The following CNOT6 variants were observed in gnomAD, a reference collection of about 807,000 sequenced individuals.
The protein encoded by CNOT6 is carbon catabolite repression 4 protein.
A neutral mutation model predicts 61.2 loss-of-function variants in CNOT6; 12 were observed. That is an observed-to-expected ratio of 0.20 (90% CI 0.13 to 0.32). The LOEUF is 0.32. Among genes scored for constraint, CNOT6 ranks in the 10% least tolerant of loss-of-function variants. CNOT6 has a pLI of 1.00. For synonymous variants in CNOT6, 225 were observed against 240.6 expected (o/e 0.94, Z 0.60); for missense variants, 405 against 663.9 (o/e 0.61, Z 4.28).
At chr5:180,541,441 ATTTTTTT>A (rs1163850404) in intron 2 of CNOT6, among the ~76,000 whole-genome samples, 8 of 106,578 alleles carry the variant, frequency 7.5e-5, no homozygotes, top group African/African-American at 1.2e-4. Context: ...TGGCCAAGAA[ATTTTTTT>A]TTTTTTTTTT....
chr5:180,544,826 G>T (rs1379430187), intron 2 of CNOT6, among the ~76,000 whole-genome samples: 1 of 152,180 alleles, frequency 6.6e-6, no homozygotes, highest in East Asian at 1.9e-4. Context: ...AGGCGCAGTG[G>T]CTCACGCCTG....
At chr5:180,498,343 C>T (rs1323661518) in intron 1 of CNOT6, among the ~76,000 whole-genome samples, 2 of 152,164 alleles carry the variant, frequency 1.3e-5, no homozygotes, top group African/African-American at 2.4e-5. Context: ...TCCGATTTTG[C>T]CTTCTCATAG....
intron 1 of CNOT6, among the ~76,000 whole-genome samples, chr5:180,499,024 C>G (rs1561627646): frequency 6.6e-6 from 1 of 152,152 alleles, no homozygotes; most frequent in Non-Finnish European, 1.5e-5. Flanking sequence ...CTCCTGACCT[C>G]AAGTGATCTG....
chr5:180,496,215 A>G (rs552143637), intron 1 of CNOT6, among the ~76,000 whole-genome samples: 48 of 152,218 alleles, frequency 3.2e-4, no homozygotes, highest in Non-Finnish European at 6.6e-4. Flanking sequence ...CACAGTGTTT[A>G]GAATGTGATG....
chr5:180,562,680 C>T (rs1377288054), intron 4 of CNOT6, among the ~76,000 whole-genome samples: 3 of 151,932 alleles, frequency 2.0e-5, no homozygotes, highest in South Asian at 2.1e-4. Context: ...GCGGAGCTTG[C>T]GGTGAGCCGA....
intron 1 of CNOT6, among the ~76,000 whole-genome samples, chr5:180,528,696 C>T (rs1758210658): frequency 6.6e-6 from 1 of 152,140 alleles, no homozygotes; most frequent in African/African-American, 2.4e-5. Context: ...TTCATGATGA[C>T]TCAGTTGCAG....
At chr5:180,538,124 C>T (rs572811680) in intron 2 of CNOT6, among the ~76,000 whole-genome samples, 15 of 150,114 alleles carry the variant, frequency 1.0e-4, no homozygotes, top group East Asian at 4.0e-4. Context: ...TTGTAAGCTC[C>T]GCCTCCCAGG....
At chr5:180,549,129 C>G (rs1324390975) in intron 2 of CNOT6, among the ~76,000 whole-genome samples, 1 of 152,184 alleles carries the variant, frequency 6.6e-6, no homozygotes, top group African/African-American at 2.4e-5. Context: ...TGTGGTTCTT[C>G]ATGCAGTTAT....
At chr5:180,561,898 T>C (rs776474614) in intron 4 of CNOT6, among the ~76,000 whole-genome samples, 1 of 152,258 alleles carries the variant, frequency 6.6e-6, no homozygotes, top group Non-Finnish European at 1.5e-5. Context: ...TTTCTTTCTC[T>C]TGCAGCAGAA....
At chr5:180,572,684 G>A (rs1760810101) in intron 11 of CNOT6, among the ~76,000 whole-genome samples, 1 of 151,966 alleles carries the variant, frequency 6.6e-6, no homozygotes, top group African/African-American at 2.4e-5. Flanking sequence ...CCGCTAACTT[G>A]GACTACAGGT....
At chr5:180,548,449 T>C (rs2127741847) in intron 2 of CNOT6, among the ~76,000 whole-genome samples, 1 of 152,330 alleles carries the variant, frequency 6.6e-6, no homozygotes, top group South Asian at 2.1e-4. Flanking sequence ...TCCAGACTTC[T>C]CTCTGTTCTC....
intron 1 of CNOT6, among the ~76,000 whole-genome samples, chr5:180,518,399 T>A (rs896793581): frequency 3.3e-5 from 5 of 152,164 alleles, no homozygotes; most frequent in African/African-American, 1.2e-4. Flanking sequence ...AGGAGTGCCA[T>A]TATTCCGGAG....
At position 180,552,519 on chromosome 5, in the gene CNOT6, A is replaced by G. The variant is rs370858852; in HGVS notation, c.300-867A>G. On this transcript the variant is annotated intron_variant, in intron 3 of 11. Transcript: ENST00000261951. ...AAATTAGCTGGGTGTGGTGGCAGGC[A>G]CCTGTAGTCCCAGTTACTCGGGAGG... 1.6e-3 allele frequency among the ~76,000 whole-genome samples: 237 copies of G among 151,480 alleles called. 2 individuals carry two copies. Among genetic ancestry groups the G allele is most frequent in the East Asian group, 0.014 (73 of 5,090 alleles).
At chr5:180,559,271 T>C (rs1309989577) in intron 4 of CNOT6, among the ~76,000 whole-genome samples, 3 of 152,222 alleles carry the variant, frequency 2.0e-5, no homozygotes, top group Non-Finnish European at 4.4e-5. Context: ...AGTTTTTGCA[T>C]AAAATATTTT....
chr5:180,555,871 G>T (rs1759858367), intron 4 of CNOT6, among the ~76,000 whole-genome samples: 1 of 152,106 alleles, frequency 6.6e-6, no homozygotes, highest in Non-Finnish European at 1.5e-5. Context: ...TGAAGTTGTT[G>T]CAGAATGGCT....
At chr5:180,509,364 A>T (rs1362089155) in intron 1 of CNOT6, among the ~76,000 whole-genome samples, 1 of 151,906 alleles carries the variant, frequency 6.6e-6, no homozygotes, top group African/African-American at 2.4e-5. Context: ...CCTGGGCTCA[A>T]ATGATCTGCC....
intron 3 of CNOT6, among the ~76,000 whole-genome samples, chr5:180,552,452 T>G (rs1252938977): frequency 6.6e-6 from 1 of 151,294 alleles, no homozygotes; most frequent in Non-Finnish European, 1.5e-5. Flanking sequence ...CCATCCTGGC[T>G]AACACGGTGA....
chr5:180,557,848 A>G (rs13179742), intron 4 of CNOT6, among the ~76,000 whole-genome samples: 37,881 of 152,088 alleles, frequency 0.25, 5,783 homozygotes, highest in Middle Eastern at 0.4. Context: ...ATTTAAGTCT[A>G]TGATCCATTT....
chr5:180,571,103 G>T, intron 10 of CNOT6, 127 bp from the exon 11 acceptor site: 1 of 656,382 alleles, frequency 1.5e-6, no homozygotes, highest in Non-Finnish European at 2.6e-6. Context: ...GCAAGTCCTG[G>T]CAAATGTAAA....
Sources: allele counts gnomAD v4.1 joint callset (sites outside exome capture counted in the v4.1 genomes callset), GRCh38; gene constraint gnomAD v4.1.1; transcripts MANE v1.5; gene names NCBI Gene and HGNC (gene_info 2026-07-23, HGNC 2026-07-21).